Variants in ARHGEF3 observed in about 807,000 individuals in gnomAD.
The protein encoded by ARHGEF3 is Rho guanine nucleotide exchange factor 3.
A neutral mutation model predicts 63.2 loss-of-function variants in ARHGEF3; 28 were observed. The observed-to-expected ratio is 0.44, with a 90% CI of 0.33 to 0.61. The LOEUF is 0.61. ARHGEF3 is among the 20% of genes least tolerant of loss of function. The pLI is 0.03. For synonymous variants in ARHGEF3, 266 were observed against 254.2 expected, an observed-to-expected ratio of 1.05 and a Z score of -0.44; for missense variants, 533 against 659.3, an observed-to-expected ratio of 0.81 and a Z score of 2.10.
At chr3:56,992,895 G>A (rs776959560) in intron 2 of ARHGEF3, among the ~76,000 whole-genome samples, 7 of 152,076 alleles carry the variant, frequency 4.6e-5, no homozygotes, top group South Asian at 2.1e-4. Flanking sequence ...GTGCAGTGGC[G>A]CTATCTCGGC....
chr3:57,019,060 T>C (rs893073620), intron 2 of ARHGEF3, among the ~76,000 whole-genome samples: 7 of 152,188 alleles, frequency 4.6e-5, no homozygotes, highest in African/African-American at 9.7e-5. Context: ...CCTGGATTCA[T>C]TGGGTAGCAA....
At chr3:56,777,314 G>C (rs74757640) in intron 1 of ARHGEF3, among the ~76,000 whole-genome samples, 5 of 152,178 alleles carry the variant, frequency 3.3e-5, no homozygotes, top group African/African-American at 9.7e-5. Context: ...GAAAAGAAGC[G>C]ACGGGTGGGA....
chr3:56,741,645 A>C (rs1383235102), intron 7 of ARHGEF3, among the ~76,000 whole-genome samples: 1 of 151,524 alleles, frequency 6.6e-6, no homozygotes, highest in Non-Finnish European at 1.5e-5. Context: ...CTGGGACTAC[A>C]GGCGCCTGCC....
chr3:56,886,677 C>A (rs1422760372), intron 3 of ARHGEF3, among the ~76,000 whole-genome samples: 1 of 152,170 alleles, frequency 6.6e-6, no homozygotes, highest in East Asian at 1.9e-4. Flanking sequence ...AAAGCTTTAG[C>A]CTATTGAACG....
chr3:56,763,597 C>T (rs773732436), intron 2 of ARHGEF3, among the ~76,000 whole-genome samples: 1 of 152,130 alleles, frequency 6.6e-6, no homozygotes, highest in Non-Finnish European at 1.5e-5. Flanking sequence ...GAGAGAGCCT[C>T]ACATGCAGAG....
At position 56,738,752 on chromosome 3, in the gene ARHGEF3, C is replaced by A. The variant is rs566441600; in HGVS notation, c.871-1397G>T. ...GTCATATGAATATATTTAAATGTTA[C>A]AAAATGCTAGCAAACAAAGGGATGA... On this transcript the variant is annotated intron_variant, in intron 7 of 9. Transcript: ENST00000296315. Among the ~76,000 whole-genome samples the A allele has an allele frequency of 1.2e-4, 18 of 152,088 alleles. 1 individual carries two copies. Among genetic ancestry groups the A allele is most frequent in the African/African-American group, 3.1e-4 (13 of 41,486 alleles).
chr3:56,881,524 C>T (rs2040765845), intron 4 of ARHGEF3, among the ~76,000 whole-genome samples: 1 of 152,138 alleles, frequency 6.6e-6, no homozygotes, highest in South Asian at 2.1e-4. Flanking sequence ...ACAAAGAAAG[C>T]TATGAAATTA....
chr3:56,825,252 G>A (rs1298580740), intron 4 of ARHGEF3, among the ~76,000 whole-genome samples: 1 of 152,222 alleles, frequency 6.6e-6, no homozygotes, highest in South Asian at 2.1e-4. Flanking sequence ...AGCCAACAAA[G>A]TAGCCATGCC....
chr3:56,754,838 C>A, intron 3 of ARHGEF3, 143 bp downstream of exon 3: 1 of 1,122,260 alleles, frequency 8.9e-7, no homozygotes. Context: ...AGTTCCTTCC[C>A]CAAGGTCAGA....
At chr3:56,794,472 G>A (rs2037240627) in intron 1 of ARHGEF3, among the ~76,000 whole-genome samples, 1 of 132,414 alleles carries the variant, frequency 7.6e-6, no homozygotes, top group Admixed American at 8.4e-5. Context: ...TGGGCAATAA[G>A]AGCGAGACTC....
intron 2 of ARHGEF3, among the ~76,000 whole-genome samples, chr3:56,971,829 G>C (rs1015592613): frequency 1.3e-5 from 2 of 151,838 alleles, no homozygotes; most frequent in African/African-American, 4.8e-5. Context: ...ACTCCAGCCT[G>C]GGCAACAGAG....
At chr3:57,025,481 G>T (rs1397426174) in intron 2 of ARHGEF3, among the ~76,000 whole-genome samples, 1 of 152,182 alleles carries the variant, frequency 6.6e-6, no homozygotes, top group African/African-American at 2.4e-5. Flanking sequence ...TGGGAAGAGT[G>T]ATTGCACACA....
At chr3:56,973,517 T>C (rs757115533) in intron 2 of ARHGEF3, among the ~76,000 whole-genome samples, 17 of 152,046 alleles carry the variant, frequency 1.1e-4, no homozygotes, top group Non-Finnish European at 2.2e-4. Context: ...GACCTCCAAA[T>C]AGAGATGTGG....
intron 3 of ARHGEF3, among the ~76,000 whole-genome samples, chr3:56,926,258 C>T (rs891836828): frequency 3.9e-5 from 6 of 151,996 alleles, no homozygotes; most frequent in South Asian, 2.1e-4. Flanking sequence ...ATTCAGGAGG[C>T]GAGGAGACAG....
At position 56,994,064 on chromosome 3, in the gene ARHGEF3, C is replaced by CAAAAA. The variant is rs60299557; in HGVS notation, c.63-35180_63-35176dup. ...GGGCGACAAGAGTGAAACTTCGTCTCAAAAAAAAAAAAAAAAAAAAAGCAC... is the reference window on the plus strand; with the variant it reads ...GGGCGACAAGAGTGAAACTTCGTCTCAAAAAAAAAAAAAAAAAAAAAAAAAAGCAC... On this transcript the variant is annotated intron_variant, in intron 2 of 12. Coordinates refer to the ARHGEF3 transcript ENST00000338458. 1.5e-3 allele frequency among the ~76,000 whole-genome samples: 90 copies of CAAAAA among 59,722 alleles called. 11 individuals carry two copies. The highest frequency in any genetic ancestry group is 1.5e-3 in the Non-Finnish European group (44 of 29,892). The allele number at this position is 59,722 out of a possible 152,430, so 39.2% of individuals were successfully genotyped here. A position where few individuals can be genotyped will look rare whatever the true frequency, so the allele number is the denominator to read the frequency against.
At chr3:57,000,497 C>CATT (rs375967050) in intron 2 of ARHGEF3, among the ~76,000 whole-genome samples, 3,414 of 148,892 alleles carry the variant, frequency 0.023, 117 homozygotes, top group African/African-American at 0.078. Context: ...ACCTTTACTA[C>CATT]ATTATTATTA....
In ARHGEF3 at chr3:57,001,780, T is replaced by G. The variant is rs568823825; in HGVS notation, c.62+33308A>C. Among the ~76,000 whole-genome samples the G allele has an allele frequency of 3.3e-5, 5 of 152,286 alleles. No individual in the cohort carries two copies. In the South Asian group the frequency reaches 1.0e-3, roughly 32 times the overall value. ...TTGAACTGTAGCCAACTGAATTATT[T>G]AGGTGCCAAATTAACCTCCTCCTGC... On this transcript the variant is annotated intron_variant, in intron 2 of 12. Coordinates refer to the ARHGEF3 transcript ENST00000338458.
intron 3 of ARHGEF3, among the ~76,000 whole-genome samples, chr3:56,953,139 C>G (rs1214342802): frequency 6.6e-6 from 1 of 152,142 alleles, no homozygotes; most frequent in Non-Finnish European, 1.5e-5. Flanking sequence ...ACAAACTGAG[C>G]CTGCAAGAGA....
intron 8 of ARHGEF3, among the ~76,000 whole-genome samples, chr3:56,736,815 A>C (rs2033653448): frequency 6.6e-6 from 1 of 152,246 alleles, no homozygotes; most frequent in Non-Finnish European, 1.5e-5. Flanking sequence ...AACGAAGGAC[A>C]GGCACGGTGG....
Sources: allele counts gnomAD v4.1 joint callset (sites outside exome capture counted in the v4.1 genomes callset), GRCh38; gene constraint gnomAD v4.1.1; transcripts MANE v1.5; gene names NCBI Gene and HGNC (gene_info 2026-07-23, HGNC 2026-07-21).